Variants in RFC3 observed in about 807,000 individuals in gnomAD.
RFC3 encodes the protein replication factor C subunit 3, also known as A1 38 kDa subunit.
Under a neutral mutation model 45.1 loss-of-function variants are expected in RFC3, and 41 were observed. The ratio of observed to expected loss-of-function variants is 0.91; its 90% CI spans 0.71 to 1.18. RFC3 has a LOEUF of 1.18. RFC3 is among the 50% of genes most tolerant of loss of function. RFC3 has a pLI of 0.00. For missense variants in RFC3, 423 were observed against 428.1 expected (o/e 0.99, Z 0.10); for synonymous variants, 149 against 144.0 (o/e 1.03, Z -0.25).
At position 33,926,327 on chromosome 13, in the gene RFC3, G is replaced by T. The variant is rs186345891; in HGVS notation, c.880-39760G>T. ...TACATATGTAACTAACCTGCACATT[G>T]TGCACATGTACCCTAAAACTTAAAG... On this transcript the variant is annotated intron_variant, in intron 8 of 8. Coordinates refer to the RFC3 transcript ENST00000434425. Among the ~76,000 whole-genome samples the T allele has an allele frequency of 4.8e-3, 728 of 151,472 alleles. 3 individuals carry two copies. The highest frequency in any genetic ancestry group is 8.5e-3 in the Non-Finnish European group (577 of 67,886).
intron 8 of RFC3, among the ~76,000 whole-genome samples, chr13:33,852,384 G>A (rs2082281951): frequency 6.6e-6 from 1 of 152,156 alleles, no homozygotes; most frequent in East Asian, 1.9e-4. Flanking sequence ...GAGGCCTAAA[G>A]TCTAGCACTG....
At chr13:33,872,295 G>C (rs553463695) in intron 8 of RFC3, among the ~76,000 whole-genome samples, 12 of 152,190 alleles carry the variant, frequency 7.9e-5, no homozygotes, top group Non-Finnish European at 1.5e-4. Flanking sequence ...GTTCAGACAC[G>C]TCTGTGCTAT....
chr13:33,908,791 GACA>G (rs2082687461), intron 8 of RFC3, among the ~76,000 whole-genome samples: 1 of 152,014 alleles, frequency 6.6e-6, no homozygotes, highest in Non-Finnish European at 1.5e-5. Context: ...AAGAGCCAAT[GACA>G]TAAGTTCTAA....
chr13:33,875,034 C>T (rs1312711937), intron 8 of RFC3, among the ~76,000 whole-genome samples: 4 of 152,194 alleles, frequency 2.6e-5, no homozygotes, highest in African/African-American at 7.2e-5. Context: ...ATTTACCCGG[C>T]GTCTTCCAAA....
At chr13:33,827,826 G>A (rs1379871129) in intron 4 of RFC3, among the ~76,000 whole-genome samples, 1 of 152,188 alleles carries the variant, frequency 6.6e-6, no homozygotes, top group Non-Finnish European at 1.5e-5. Context: ...TTTGTTAAAA[G>A]TAAAGTGATT....
At chr13:33,848,899 C>G (rs1004459055) in intron 8 of RFC3, 2 of 152,168 alleles carry the variant, frequency 1.3e-5, no homozygotes, top group African/African-American at 2.4e-5. Flanking sequence ...CAACTTCTAT[C>G]CATTCATTTG....
chr13:33,834,172 C>A (rs1462780992), intron 7 of RFC3, among the ~76,000 whole-genome samples: 3 of 148,528 alleles, frequency 2.0e-5, no homozygotes, highest in African/African-American at 7.5e-5. Flanking sequence ...TTTTCCCCCA[C>A]TTTTTTTAAG....
intron 4 of RFC3, 102 bp from the exon 5 acceptor site, chr13:33,829,734 T>TAA (rs2082083653): frequency 1.1e-6 from 1 of 886,524 alleles, no homozygotes; most frequent in Admixed American, 1.8e-5. Context: ...ATATCAGGCT[T>TAA]ATTATTTAGG....
At chr13:33,867,783 G>A (rs2082383184) in intron 8 of RFC3, among the ~76,000 whole-genome samples, 1 of 152,194 alleles carries the variant, frequency 6.6e-6, no homozygotes, top group Non-Finnish European at 1.5e-5. Flanking sequence ...TTGTACAGTA[G>A]TGGGGAGAAA....
intron 8 of RFC3, among the ~76,000 whole-genome samples, chr13:33,938,896 T>G (rs1461865943): frequency 6.6e-6 from 1 of 152,182 alleles, no homozygotes; most frequent in Non-Finnish European, 1.5e-5. Context: ...AATAAGCTCT[T>G]CAATCTTTCA....
chr13:33,857,183 G>T (rs1354371453), intron 8 of RFC3, among the ~76,000 whole-genome samples: 2 of 152,156 alleles, frequency 1.3e-5, no homozygotes, highest in African/African-American at 4.8e-5. Context: ...CAAATAAGAG[G>T]CATCTCTTTA....
intron 8 of RFC3, among the ~76,000 whole-genome samples, chr13:33,871,528 G>A (rs1225800466): frequency 2.6e-5 from 4 of 152,164 alleles, no homozygotes; most frequent in Non-Finnish European, 5.9e-5. Context: ...CAGCTAATCC[G>A]GGATAATCTC....
chr13:33,951,233 AT>A (rs11336021), intron 8 of RFC3, among the ~76,000 whole-genome samples: 10,359 of 134,044 alleles, frequency 0.077, 402 homozygotes, highest in Admixed American at 0.13. Flanking sequence ...CTATAAGTAC[AT>A]TTTTTTTTTT....
chr13:33,892,729 A>G (rs1383782650), intron 8 of RFC3, among the ~76,000 whole-genome samples: 3 of 152,160 alleles, frequency 2.0e-5, no homozygotes, highest in African/African-American at 7.2e-5. Flanking sequence ...TCACTCCCCC[A>G]GACAAAAACC....
intron 8 of RFC3, among the ~76,000 whole-genome samples, chr13:33,964,650 A>C (rs2083076786): frequency 6.6e-6 from 1 of 152,250 alleles, no homozygotes; most frequent in Non-Finnish European, 1.5e-5. Flanking sequence ...TTTTACCACA[A>C]AGTAGTTTTA....
At chr13:33,940,904 T>A (rs2082919032) in intron 8 of RFC3, among the ~76,000 whole-genome samples, 3 of 152,240 alleles carry the variant, frequency 2.0e-5, no homozygotes, top group Admixed American at 1.3e-4. Flanking sequence ...AACTTTAATT[T>A]ATATTTATCC....
rs150672053 is a variant in RFC3, at chr13:33,930,361, G to A, written c.880-35726G>A. ...TGAAAGCCCCTCAGAAACCACTGGT[G>A]TGACTCCAAGAGTCCAAATGCTGAA... On this transcript the variant is annotated intron_variant, in intron 8 of 8. Coordinates refer to the RFC3 transcript ENST00000434425. 5.3e-5 allele frequency among the ~76,000 whole-genome samples: 8 copies of A among 152,250 alleles called. No homozygotes were observed. In the East Asian group the frequency reaches 1.5e-3, roughly 29 times the overall value.
intron 8 of RFC3, among the ~76,000 whole-genome samples, chr13:33,874,430 G>T (rs2137576381): frequency 6.6e-6 from 1 of 152,346 alleles, no homozygotes. Context: ...CGATTCTCCT[G>T]CCTCAGCCTC....
At chr13:33,918,136 C>G (rs760632257) in intron 8 of RFC3, among the ~76,000 whole-genome samples, 8 of 152,190 alleles carry the variant, frequency 5.3e-5, no homozygotes, top group Non-Finnish European at 7.4e-5. Context: ...GTGCTTCAAC[C>G]TAGGTCCTTG....
Sources: allele counts gnomAD v4.1 joint callset (sites outside exome capture counted in the v4.1 genomes callset), GRCh38; gene constraint gnomAD v4.1.1; transcripts MANE v1.5; gene names NCBI Gene and HGNC (gene_info 2026-07-23, HGNC 2026-07-21).